Variants in MACF1 observed in about 807,000 individuals in gnomAD.
MACF1 encodes microtubule actin crosslinking factor 1, also known as microtubule-actin cross-linking factor 1.
In MACF1, 193 loss-of-function variants were observed where a neutral mutation model predicts 854.8. That is an observed-to-expected ratio of 0.23 (90% confidence interval 0.20 to 0.25). The LOEUF (loss-of-function observed/expected upper bound fraction) is 0.25. Ranked by LOEUF, MACF1 falls within the 10% of genes least tolerant of loss-of-function variation. The pLI is 1.00. For missense variants in MACF1, 7,722 were observed against 8,929.1 expected, an observed-to-expected ratio of 0.86 and a Z score of 5.45; for synonymous variants, 3,185 against 3,226.7, an observed-to-expected ratio of 0.99 and a Z score of 0.44.
Position 39,468,608 on chromosome 1 carries a change from T to A in MACF1, c.21772-7T>A. The A allele has an allele frequency of 6.2e-7, 1 of 1,610,646 alleles. No homozygotes were observed. Among genetic ancestry groups the A allele is most frequent in the Non-Finnish European group, 8.5e-7 (1 of 1,176,800 alleles). ...ATATATTAATTAAGTTTCCTTTGAT[T>A]CTACAGTTTGGGGATTCTCAGCAGT... On this transcript the variant is annotated splice_region_variant and splice_polypyrimidine_tract_variant and intron_variant, in intron 95 of 100. Transcript: ENST00000564288.
intron 2 of MACF1, among the ~76,000 whole-genome samples, chr1:39,243,515 C>T (rs1167375442): frequency 1.3e-5 from 2 of 152,160 alleles, no homozygotes; most frequent in African/African-American, 4.8e-5. Context: ...AACCCTCCCA[C>T]CTCAGACTCC....
chr1:39,334,881 G>A lies in MACF1; in HGVS notation c.8293G>A (p.Glu2765Lys). The change falls in exon 37 of 101, where the codon GAG (glutamate) becomes AAG (lysine). Residue 2765 changes from glutamate to lysine, a missense_variant. This residue lies in a region of MACF1 where 1,531 missense variants were observed against 1,601.6 expected (regional missense o/e 0.96). Coordinates refer to ENST00000564288, the MANE Select transcript of MACF1 (RefSeq NM_001394062.1). ...AAATATGATCCAAATAGATAGTTCA[G>A]AGTTCAGCGATCACAGGGCTCAGAT... ...LANMIQIDSS[E>K]FSDHRAQIEK... 1 of 1,614,188 alleles carries A rather than the reference G, an allele frequency of 6.2e-7. No individual in the cohort carries two copies. The highest frequency in any genetic ancestry group is 8.5e-7 in the Non-Finnish European group (1 of 1,180,014).
intron 89 of MACF1, among the ~76,000 whole-genome samples, chr1:39,456,419 T>G (rs1012853968): frequency 6.6e-6 from 1 of 152,218 alleles, no homozygotes; most frequent in Non-Finnish European, 1.5e-5. Flanking sequence ...AAAATAGGCT[T>G]TGAGTTAGAT....
intron 97 of MACF1, among the ~76,000 whole-genome samples, chr1:39,471,068 T>A (rs1644767604): frequency 6.6e-6 from 1 of 152,216 alleles, no homozygotes; most frequent in Non-Finnish European, 1.5e-5. Context: ...AAGGTAAGAC[T>A]TTCCTGTGTC....
intron 38 of MACF1, among the ~76,000 whole-genome samples, chr1:39,340,054 A>G (rs936842812): frequency 4.6e-5 from 7 of 152,200 alleles, no homozygotes; most frequent in Non-Finnish European, 8.8e-5. Context: ...CTTTGGTTCC[A>G]TGACCCTGGA....
chr1:39,110,623 A>G (rs980439772), intron 2 of MACF1, among the ~76,000 whole-genome samples: 3 of 152,182 alleles, frequency 2.0e-5, no homozygotes, highest in South Asian at 2.1e-4. Context: ...AGTAAGTGCT[A>G]CTTCTGGACA....
At chr1:39,459,980 G>A (rs1644521963) in intron 91 of MACF1, 2 of 496,260 alleles carry the variant, frequency 4.0e-6, no homozygotes, top group African/African-American at 2.0e-5. Context: ...GTCATTTTGA[G>A]TGTATATCAT....
At position 39,331,355 on chromosome 1, in the gene MACF1, G is replaced by A. The variant is rs139883938; in HGVS notation, c.4767G>A (p.Thr1589=). 40 of 1,613,894 alleles carry A rather than the reference G, an allele frequency of 2.5e-5. 1 individual carries two copies. In the East Asian group the frequency reaches 3.1e-4, roughly 13 times the overall value. Residue 1589 remains threonine (T), a synonymous_variant, in exon 37 of 101, where the codon ACG becomes ACA. Transcript: ENST00000564288. ...TGTCTGGCCTCATTGCCCCTGAGACGGGTGAAAACCTCTCTTTGGAGGAGG... is the reference window on the plus strand; with the variant it reads ...TGTCTGGCCTCATTGCCCCTGAGACAGGTGAAAACCTCTCTTTGGAGGAGG... The part of the protein sequence containing the change: ...VIMSGLIAPE[T]GENLSLEEGI...
At chr1:39,170,353 C>T (rs572525062) in intron 2 of MACF1, among the ~76,000 whole-genome samples, 1 of 152,298 alleles carries the variant, frequency 6.6e-6, no homozygotes, top group East Asian at 1.9e-4. Flanking sequence ...CCTTACAGAG[C>T]ACTTATAAAA....
At chr1:39,223,944 C>G (rs1644683555) in intron 1 of MACF1, among the ~76,000 whole-genome samples, 1 of 152,104 alleles carries the variant, frequency 6.6e-6, no homozygotes, top group Non-Finnish European at 1.5e-5. Flanking sequence ...GGATATCTGT[C>G]AGAAGCAAGG....
chr1:39,363,229 A>G (rs1423212097), intron 49 of MACF1, among the ~76,000 whole-genome samples: 1 of 152,196 alleles, frequency 6.6e-6, no homozygotes, highest in East Asian at 1.9e-4. Context: ...TTATTTTTAA[A>G]TATGTAAAGC....
intron 2 of MACF1, among the ~76,000 whole-genome samples, chr1:39,115,769 G>A (rs1642528642): frequency 6.6e-6 from 1 of 152,198 alleles, no homozygotes; most frequent in Non-Finnish European, 1.5e-5. Context: ...AGTGGTGTCA[G>A]AAGCAGAGAA....
chr1:39,388,676 T>C lies in MACF1; in HGVS notation c.15816+18T>C, dbSNP rs1404716732. 3 of 1,516,204 alleles carry C rather than the reference T, an allele frequency of 2.0e-6. No individual in the cohort carries two copies. Among genetic ancestry groups the C allele is most frequent in the Non-Finnish European group, 2.6e-6 (3 of 1,138,672 alleles). 93.9% of individuals were successfully genotyped at this position (1,516,204 alleles called of 1,614,324 possible). On this transcript the variant is annotated intron_variant, in intron 58 of 100. Coordinates refer to ENST00000564288, the MANE Select transcript of MACF1 (RefSeq NM_001394062.1). ...ATTTTAAAGTAAGTCTGAACCTTGT[T>C]TTTCTTTTTCTTTTACATGTATTTA...
At chr1:39,262,779 CTATT>C (rs1645179351) in intron 6 of MACF1, among the ~76,000 whole-genome samples, 1 of 152,076 alleles carries the variant, frequency 6.6e-6, no homozygotes, top group Non-Finnish European at 1.5e-5. Context: ...AGCCAAATGC[CTATT>C]TATTTGTCTT....
intron 58 of MACF1, chr1:39,412,071 A>G (rs756440566): frequency 1.2e-6 from 2 of 1,613,994 alleles, no homozygotes; most frequent in South Asian, 2.2e-5. Flanking sequence ...ACCCAGGAGG[A>G]CTGCTGAACT....
chr1:39,303,615 G>T (rs1646098061), intron 23 of MACF1, among the ~76,000 whole-genome samples: 1 of 151,636 alleles, frequency 6.6e-6, no homozygotes, highest in African/African-American at 2.4e-5. Flanking sequence ...ACTTTGGGAG[G>T]CCGAGGGAGG....
At chr1:39,208,125 TCCGTCTC>T in intron 1 of MACF1, among the ~76,000 whole-genome samples, 1 of 142,684 alleles carries the variant, frequency 7.0e-6, no homozygotes. Flanking sequence ...AGAATGAGAG[TCCGTCTC>T]AAAAAAAAAA....
At chr1:39,134,025 A>C (rs1023657296) in intron 2 of MACF1, among the ~76,000 whole-genome samples, 2 of 147,640 alleles carry the variant, frequency 1.4e-5, no homozygotes, top group African/African-American at 2.5e-5. Flanking sequence ...TTATCATCAG[A>C]AGAACAGTCT....
intron 2 of MACF1, among the ~76,000 whole-genome samples, chr1:39,101,388 A>G (rs180761195): frequency 0.019 from 2,671 of 142,548 alleles, 69 homozygotes; most frequent in African/African-American, 0.064. Context: ...ATATATATAT[A>G]TGTGTGTGTA....
Sources: gnomAD v4.1 joint callset for allele counts (sites outside exome capture counted in the v4.1 genomes callset) on GRCh38, gnomAD v4.1.1 for gene constraint, gnomAD v4.1.1 regional missense constraint, MANE v1.5 for transcripts, NCBI Gene and HGNC (gene_info 2026-07-23, HGNC 2026-07-21) for gene names.